KY: variants seen among roughly 807,000 people sequenced by gnomAD.
KY encodes the protein kyphoscoliosis peptidase.
In KY, 43 loss-of-function variants were observed where a neutral mutation model predicts 76.1. The ratio of observed to expected loss-of-function variants is 0.57; its 90% CI spans 0.44 to 0.73. The LOEUF is 0.73. Ranked by LOEUF, KY falls within the 30% of genes least tolerant of loss-of-function variation. KY has a pLI of 0.00. For missense variants in KY, 722 were observed against 828.9 expected (o/e 0.87, Z 1.58); for synonymous variants, 277 against 326.2 (o/e 0.85, Z 1.63).
intron 3 of KY, among the ~76,000 whole-genome samples, chr3:134,633,560 A>G (rs1340571607): frequency 6.6e-6 from 1 of 152,130 alleles, no homozygotes; most frequent in Non-Finnish European, 1.5e-5. Flanking sequence ...ACATCCGTTC[A>G]TGATAAAACC....
chr3:134,618,045 C>T (rs905265603), intron 8 of KY, among the ~76,000 whole-genome samples: 2 of 152,052 alleles, frequency 1.3e-5, no homozygotes, highest in African/African-American at 2.4e-5. Flanking sequence ...TATTCTGTAC[C>T]CTGACCCACC....
chr3:134,620,662 C>A, intron 7 of KY, 87 bp downstream of exon 7: 2 of 909,630 alleles, frequency 2.2e-6, no homozygotes, highest in Non-Finnish European at 1.8e-6. Flanking sequence ...TGTCACTCTG[C>A]ACACGTGAAT....
Position 134,604,066 on chromosome 3 carries a change from T to A in KY, c.1499A>T (p.Asp500Val). The A allele has an allele frequency of 6.2e-7, 1 of 1,613,864 alleles. No individual in the cohort carries two copies. The highest frequency in any genetic ancestry group is 1.1e-5 in the South Asian group (1 of 91,058). ...INVLASLHGD[D>V]GPITEETQRR... is the part of the protein sequence containing the mutation. Reference sequence around the variant, plus strand: ...CTGTGTCTCCTCAGTGATGGGGCCATCATCCCCGTGGAGGGAAGCCAGGAC... The same window carrying A: ...CTGTGTCTCCTCAGTGATGGGGCCAACATCCCCGTGGAGGGAAGCCAGGAC... Residue 500 changes from aspartate (D) to valine (V), a missense_variant, in exon 11 of 11, where the codon GAT becomes GTT. Asp to Val is a radical substitution (Grantham distance 152, BLOSUM62 -3). Around this residue, in one of 2 missense-constraint regions of KY, gnomAD observed 552 missense variants for 680.9 expected, o/e 0.81. Transcript: ENST00000423778.
At chr3:134,643,281 G>GCC (rs1338308591) in intron 3 of KY, 35 bp downstream of exon 3, 1 of 1,604,892 alleles carries the variant, frequency 6.2e-7, no homozygotes. Context: ...GCACACCTCT[G>GCC]CAGGGGAGGT....
chr3:134,638,263 T>C (rs886692773), intron 3 of KY, among the ~76,000 whole-genome samples: 2 of 152,214 alleles, frequency 1.3e-5, no homozygotes, highest in African/African-American at 2.4e-5. Context: ...GAGAGTTTGC[T>C]GGCTATGACG....
In KY at chr3:134,643,390, A is replaced by G; in HGVS notation, c.200-12T>C. 1 of 1,612,980 alleles carries G rather than the reference A, an allele frequency of 6.2e-7. No individual in the cohort carries two copies. The highest frequency in any genetic ancestry group is 8.5e-7 in the Non-Finnish European group (1 of 1,179,032). On this transcript the variant is annotated splice_polypyrimidine_tract_variant and intron_variant, in intron 2 of 10. Coordinates refer to ENST00000423778, the MANE Select transcript of KY (RefSeq NM_178554.6). ...CTCCACCAAGTTTTCTATTTAAGGA[A>G]GACAGAGAGGCCTGCAGTGACCACT...
chr3:134,628,425 G>T (rs1401660273), intron 4 of KY, among the ~76,000 whole-genome samples: 1 of 152,194 alleles, frequency 6.6e-6, no homozygotes, highest in South Asian at 2.1e-4. Context: ...GGAAGATTTG[G>T]GTCCCTGATG....
intron 5 of KY, among the ~76,000 whole-genome samples, chr3:134,626,506 A>G (rs939748030): frequency 6.6e-6 from 1 of 152,154 alleles, no homozygotes; most frequent in Non-Finnish European, 1.5e-5. Flanking sequence ...CTCTGCAGGT[A>G]CATGCAGGGA....
At chr3:134,625,355 G>C (rs1380882936) in intron 5 of KY, among the ~76,000 whole-genome samples, 1 of 152,248 alleles carries the variant, frequency 6.6e-6, no homozygotes, top group Non-Finnish European at 1.5e-5. Context: ...TCCTCTTAGA[G>C]GCCTACAGGG....
intron 10 of KY, chr3:134,607,047 G>A: frequency 1.0e-6 from 1 of 984,750 alleles, no homozygotes; most frequent in Non-Finnish European, 1.2e-6. Flanking sequence ...ATAAATTAAG[G>A]AATCTGGTGT....
At chr3:134,615,723 G>T (rs1961443262) in intron 8 of KY, among the ~76,000 whole-genome samples, 1 of 152,294 alleles carries the variant, frequency 6.6e-6, no homozygotes, top group African/African-American at 2.4e-5. Flanking sequence ...CAGATTTGGT[G>T]ATAATTTAAG....
intron 10 of KY, chr3:134,607,674 C>T: frequency 1.0e-6 from 1 of 985,750 alleles, no homozygotes; most frequent in South Asian, 4.7e-5. Context: ...CAGTTCTGGC[C>T]CTCCAGGGCA....
intron 10 of KY, chr3:134,608,413 TGTGA>T (rs1560101363): frequency 2.7e-6 from 4 of 1,485,462 alleles, no homozygotes; most frequent in Non-Finnish European, 3.6e-6. Context: ...TTTATGCTAG[TGTGA>T]GTGAGCTTTT....
chr3:134,647,771 C>T (rs890930639), intron 1 of KY, among the ~76,000 whole-genome samples: 21 of 149,722 alleles, frequency 1.4e-4, no homozygotes, highest in Non-Finnish European at 2.9e-5. Flanking sequence ...CCATTTTCCA[C>T]TTCCACCTCT....
intron 3 of KY, among the ~76,000 whole-genome samples, chr3:134,635,504 A>AAAAG (rs1382462987): frequency 6.6e-6 from 1 of 151,062 alleles, no homozygotes; most frequent in Non-Finnish European, 1.5e-5. Flanking sequence ...AAAAAAAAAA[A>AAAAG]AAAAAAAAAA....
intron 2 of KY, among the ~76,000 whole-genome samples, chr3:134,645,952 G>A (rs1442042427): frequency 6.6e-6 from 1 of 152,196 alleles, no homozygotes; most frequent in African/African-American, 2.4e-5. Flanking sequence ...ATCCTCTCCT[G>A]ATGTAATAAC....
At position 134,604,733 on chromosome 3, in the gene KY, C is replaced by T. The variant is rs185978332; in HGVS notation, c.1091-259G>A. Among the ~76,000 whole-genome samples, 397 of 152,264 alleles carry T rather than the reference C, an allele frequency of 2.6e-3. 5 individuals carry two copies. The highest frequency in any genetic ancestry group is 9.1e-3 in the African/African-American group (378 of 41,554). ...TGGTTTTCTTTGAGAGAAATGAAAG[C>T]TAAGGGGCCTCTAGAAAAATTTATC... On this transcript the variant is annotated intron_variant, in intron 10 of 10. Coordinates refer to ENST00000423778, the MANE Select transcript of KY (RefSeq NM_178554.6).
chr3:134,645,268 G>A (rs77880905), intron 2 of KY, among the ~76,000 whole-genome samples: 1,846 of 152,284 alleles, frequency 0.012, 31 homozygotes, highest in African/African-American at 0.042. Context: ...CTGCTGCTTC[G>A]AAAAGTTTGG....
intron 7 of KY, among the ~76,000 whole-genome samples, chr3:134,619,671 A>G (rs1962248941): frequency 6.6e-6 from 1 of 152,212 alleles, no homozygotes; most frequent in Non-Finnish European, 1.5e-5. Flanking sequence ...CCAAGTGGAG[A>G]AGGCTGCTCT....
Sources: gnomAD v4.1 joint callset for allele counts (sites outside exome capture counted in the v4.1 genomes callset) on GRCh38, gnomAD v4.1.1 for gene constraint, gnomAD v4.1.1 regional missense constraint, MANE v1.5 for transcripts, NCBI Gene and HGNC (gene_info 2026-07-23, HGNC 2026-07-21) for gene names.